The following KAZN variants were observed in gnomAD, a reference collection of about 807,000 sequenced individuals.
The protein encoded by KAZN is kazrin, periplakin interacting protein.
KAZN carries 40 observed loss-of-function variants against 87.4 expected under a neutral mutation model. The observed-to-expected ratio is 0.46, with a 90% CI of 0.36 to 0.60. The LOEUF (loss-of-function observed/expected upper bound fraction) is 0.60. Among genes scored for constraint, KAZN ranks in the 20% least tolerant of loss-of-function variants. The pLI is 0.00. For synonymous variants in KAZN, 466 were observed against 458.3 expected (o/e 1.02, Z -0.22); for missense variants, 898 against 1,073.9 (o/e 0.84, Z 2.29).
chr1:15,028,929 T>C (rs1671424000), intron 2 of KAZN, among the ~76,000 whole-genome samples: 1 of 152,226 alleles, frequency 6.6e-6, no homozygotes, highest in Non-Finnish European at 1.5e-5. Flanking sequence ...TTTGTTATTC[T>C]CCTGCTGTAA....
Position 15,065,885 on chromosome 1 carries a change from C to T in KAZN, c.1222+132C>T, listed in dbSNP as rs936382512. 1.6e-5 allele frequency: 24 copies of T among 1,504,852 alleles called. No individual in the cohort carries two copies. In the East Asian group the frequency reaches 2.2e-4, roughly 14 times the overall value. 93.2% of individuals were successfully genotyped at this position (1,504,852 alleles called of 1,614,324 possible). A position where few individuals can be genotyped will look rare whatever the true frequency, so the allele number is the denominator to read the frequency against. On this transcript the variant is annotated intron_variant, in intron 8 of 14. Transcript: ENST00000376030. ...GAGCGTGGGTGCGCGTGTGGCCGTG[C>T]GTGGGGTGCGTGTGCACGTGTGCGC...
intron 2 of KAZN, among the ~76,000 whole-genome samples, chr1:14,334,616 GGAA>G (rs1657097178): frequency 6.6e-6 from 1 of 152,202 alleles, no homozygotes; most frequent in African/African-American, 2.4e-5. Context: ...GCAGGAAAAG[GGAA>G]GTCAGGCAGG....
intron 1 of KAZN, among the ~76,000 whole-genome samples, chr1:14,888,756 G>A (rs1007890077): frequency 6.6e-6 from 1 of 152,088 alleles, no homozygotes; most frequent in Non-Finnish European, 1.5e-5. Flanking sequence ...TCAACAGCAA[G>A]GATTTATTTC....
At chr1:14,600,027 G>A (rs1197597289) in intron 1 of KAZN, among the ~76,000 whole-genome samples, 1 of 152,166 alleles carries the variant, frequency 6.6e-6, no homozygotes, top group African/African-American at 2.4e-5. Flanking sequence ...CATAAAGGCG[G>A]ATGGGGCATT....
chr1:14,403,916 AAAG>A (rs1455512777), intron 2 of KAZN, among the ~76,000 whole-genome samples: 1 of 118,654 alleles, frequency 8.4e-6, no homozygotes, highest in African/African-American at 3.4e-5. Context: ...GGCAAAAGAA[AAAG>A]AAGAGGTCTC....
intron 2 of KAZN, among the ~76,000 whole-genome samples, chr1:14,557,007 G>T (rs1342284726): frequency 3.3e-5 from 5 of 152,172 alleles, no homozygotes. Flanking sequence ...GGGTAGGGGA[G>T]TTTCCTGGGG....
intron 2 of KAZN, among the ~76,000 whole-genome samples, chr1:14,583,830 G>T (rs528101207): frequency 1.3e-5 from 2 of 152,236 alleles, no homozygotes; most frequent in East Asian, 1.9e-4. Flanking sequence ...CTAGACATTT[G>T]TATTCCCCCC....
At chr1:13,991,824 C>T (rs915048408) in intron 1 of KAZN, among the ~76,000 whole-genome samples, 2 of 152,216 alleles carry the variant, frequency 1.3e-5, no homozygotes, top group South Asian at 4.2e-4. Context: ...CTTCTCTCTC[C>T]AGGCTCATTT....
intron 1 of KAZN, among the ~76,000 whole-genome samples, chr1:14,911,367 G>A (rs1039676208): frequency 8.5e-5 from 13 of 152,218 alleles, no homozygotes; most frequent in Non-Finnish European, 1.6e-4. Context: ...GGACTTGAAA[G>A]AGCGAGCACT....
At chr1:14,568,900 T>C (rs1294953022) in intron 2 of KAZN, among the ~76,000 whole-genome samples, 1 of 152,218 alleles carries the variant, frequency 6.6e-6, no homozygotes, top group African/African-American at 2.4e-5. Context: ...CAAACACTGA[T>C]TGTGGACCTA....
intron 1 of KAZN, among the ~76,000 whole-genome samples, chr1:13,997,023 C>T (rs1421798295): frequency 1.3e-5 from 2 of 152,184 alleles, no homozygotes; most frequent in Admixed American, 1.3e-4. Context: ...CTTTGCTGTT[C>T]TCCAGCCTCC....
Position 14,413,593 on chromosome 1 carries a change from G to GAAAAAAAA in KAZN, c.250-185371_250-185364dup, listed in dbSNP as rs1169921344. On this transcript the variant is annotated intron_variant, in intron 2 of 16. Transcript: ENST00000636203. The stretch of plus-strand genomic sequence containing the variant: ...AACAGTGTGAAACTCCGTCTCAAAA[G>GAAAAAAAA]AAAAAAAAAAAAAAAAAAAAAAAAA... 1.1e-4 allele frequency among the ~76,000 whole-genome samples: 7 copies of GAAAAAAAA among 66,092 alleles called. No homozygotes were observed. In the East Asian group the frequency reaches 1.5e-3, roughly 14 times the overall value. The allele number at this position is 66,092 out of a possible 152,430, so 43.4% of individuals were successfully genotyped here.
intron 1 of KAZN, among the ~76,000 whole-genome samples, chr1:13,923,525 A>G (rs1435233800): frequency 2.7e-5 from 4 of 148,034 alleles, no homozygotes; most frequent in Admixed American, 6.9e-5. Flanking sequence ...GTGAGCCGAG[A>G]TCGCGCCACT....
At chr1:14,348,059 T>TG (rs1174137583) in intron 2 of KAZN, among the ~76,000 whole-genome samples, 47 of 147,064 alleles carry the variant, frequency 3.2e-4, no homozygotes, top group African/African-American at 1.1e-3. Context: ...TAATTTTTTT[T>TG]TTTTTTTTTG....
intron 1 of KAZN, among the ~76,000 whole-genome samples, chr1:14,107,019 C>T (rs1279740631): frequency 8.6e-6 from 1 of 115,712 alleles, no homozygotes; most frequent in African/African-American, 3.5e-5. Context: ...CCTCCCCTCC[C>T]TCTCTCCCTC....
At chr1:14,926,115 C>G (rs1659143273) in intron 1 of KAZN, among the ~76,000 whole-genome samples, 1 of 152,180 alleles carries the variant, frequency 6.6e-6, no homozygotes, top group East Asian at 1.9e-4. Context: ...TGCCAGATGA[C>G]CTGTCAGTGC....
chr1:14,255,472 C>T (rs549597625), intron 2 of KAZN, among the ~76,000 whole-genome samples: 5 of 152,308 alleles, frequency 3.3e-5, no homozygotes, highest in African/African-American at 1.2e-4. Context: ...GACGGAGGCT[C>T]ACAGAAACGG....
intron 1 of KAZN, among the ~76,000 whole-genome samples, chr1:13,939,488 C>G (rs530843438): frequency 1.4e-4 from 21 of 152,360 alleles, no homozygotes; most frequent in African/African-American, 4.6e-4. Context: ...GTCCACATCA[C>G]TATCAGCATT....
Position 14,622,214 on chromosome 1 carries a change from C to T in KAZN, c.226+22991C>T, listed in dbSNP as rs1484390106. Among the ~76,000 whole-genome samples, 3 of 152,162 alleles carry T rather than the reference C, an allele frequency of 2.0e-5. No homozygotes were observed. The East Asian group carries it at 5.8e-4, about 29-fold the overall frequency. ...TTGTAAATGTTGACCGATCCAAAGT[C>T]CCTGAAATCAGCCCATGGAGACTCC... is the stretch of plus-strand genomic sequence containing the variant. On this transcript the variant is annotated intron_variant, in intron 1 of 14. Coordinates refer to ENST00000376030, the MANE Select transcript of KAZN (RefSeq NM_201628.3).
Sources: gnomAD v4.1 joint callset for allele counts (sites outside exome capture counted in the v4.1 genomes callset) on GRCh38, gnomAD v4.1.1 for gene constraint, MANE v1.5 for transcripts, NCBI Gene and HGNC (gene_info 2026-07-23, HGNC 2026-07-21) for gene names.